Variants in ACYP2 observed in about 807,000 individuals in gnomAD.
ACYP2 encodes the protein acylphosphatase-2.
In ACYP2, 12 loss-of-function variants were observed where a neutral mutation model predicts 11.2. That is an observed-to-expected ratio of 1.08 (90% confidence interval 0.69 to 1.74). The LOEUF is 1.74. Among genes scored for constraint, ACYP2 ranks in the 40% most tolerant of loss-of-function variants. The pLI is 0.00. For missense variants in ACYP2, 134 were observed against 101.9 expected (o/e 1.31, Z -1.35); for synonymous variants, 43 against 32.2 (o/e 1.33, Z -1.13).
chr2:54,130,747 G>T (rs187094876), intron 4 of ACYP2, among the ~76,000 whole-genome samples: 2 of 152,292 alleles, frequency 1.3e-5, no homozygotes, highest in Admixed American at 6.5e-5. Context: ...TACAATGCAT[G>T]GGTTTGAATA....
At chr2:54,111,991 T>A (rs757058533) in intron 4 of ACYP2, among the ~76,000 whole-genome samples, 13 of 152,228 alleles carry the variant, frequency 8.5e-5, no homozygotes, top group African/African-American at 1.2e-4. Context: ...TCACAGGTTC[T>A]GTGTATTATC....
At chr2:54,138,491 A>G in intron 5 of ACYP2, 148 bp from the exon 3 acceptor site, 1 of 536,206 alleles carries the variant, frequency 1.9e-6, no homozygotes, top group East Asian at 3.1e-5. Flanking sequence ...TTATAAGTAG[A>G]GGTTACTGTA....
intron 2 of ACYP2, among the ~76,000 whole-genome samples, chr2:54,024,561 C>A (rs1308852865): frequency 6.6e-6 from 1 of 152,152 alleles, no homozygotes; most frequent in African/African-American, 2.4e-5. Flanking sequence ...AAAACCCTTA[C>A]AAAATTGGCA....
intron 4 of ACYP2, chr2:54,115,633 G>A (rs576816011): frequency 6.4e-7 from 1 of 1,574,224 alleles, no homozygotes; most frequent in East Asian, 2.3e-5. Flanking sequence ...CCTCCCTCTC[G>A]CAGCCGCCGC....
intron 6 of ACYP2, among the ~76,000 whole-genome samples, chr2:54,246,229 A>G (rs1686946460): frequency 6.6e-6 from 1 of 151,924 alleles, no homozygotes. Flanking sequence ...TTATTTTTTA[A>G]TGTATACTTT....
chr2:54,021,357 T>C (rs937115340), intron 2 of ACYP2, among the ~76,000 whole-genome samples: 2 of 152,146 alleles, frequency 1.3e-5, no homozygotes, highest in Non-Finnish European at 2.9e-5. Flanking sequence ...ACGAGGAAGT[T>C]AAACTTTAAA....
intron 5 of ACYP2, among the ~76,000 whole-genome samples, chr2:54,136,981 GA>G (rs201470998): frequency 6.7e-6 from 1 of 149,662 alleles, no homozygotes; most frequent in Non-Finnish European, 1.5e-5. Context: ...CATCTCAGAA[GA>G]AAAAAAAAGA....
rs748726497 is a variant in ACYP2 at position 54,304,819 on chromosome 2, T to A, written c.*17T>A. On this transcript the variant is annotated 3_prime_UTR_variant, in exon 7 of 7. Transcript: ENST00000607452. ...AGATACTAATAGAAGAGAAAAATTG[T>A]AACACACTGAACAATAGATACTGTA... 1.4e-6 allele frequency: 2 copies of A among 1,386,940 alleles called. No individual in the cohort carries two copies. The highest frequency in any genetic ancestry group is 2.4e-5 in the South Asian group (2 of 84,994). 85.9% of individuals were successfully genotyped at this position (1,386,940 alleles called of 1,614,324 possible).
intron 6 of ACYP2, among the ~76,000 whole-genome samples, chr2:54,160,463 A>G (rs562636749): frequency 6.6e-6 from 1 of 151,764 alleles, no homozygotes; most frequent in East Asian, 1.9e-4. Flanking sequence ...CCATTCAACA[A>G]TGCCATCTAC....
chr2:54,181,843 C>T (rs1473552276), intron 6 of ACYP2, among the ~76,000 whole-genome samples: 1 of 152,062 alleles, frequency 6.6e-6, no homozygotes, highest in Non-Finnish European at 1.5e-5. Context: ...AATTTTTACC[C>T]CACTGCTATG....
At chr2:54,053,335 C>T (rs1675961542) in intron 3 of ACYP2, among the ~76,000 whole-genome samples, 1 of 152,204 alleles carries the variant, frequency 6.6e-6, no homozygotes, top group Non-Finnish European at 1.5e-5. Context: ...GCTCAGACTA[C>T]TCTAGCCCAA....
intron 6 of ACYP2, among the ~76,000 whole-genome samples, chr2:54,216,960 G>T (rs371802802): frequency 6.6e-6 from 1 of 152,158 alleles, no homozygotes; most frequent in African/African-American, 2.4e-5. Context: ...ATGATTACTA[G>T]TGCAAATATA....
chr2:53,987,839 GT>G (rs918747143), intron 2 of ACYP2, among the ~76,000 whole-genome samples: 2 of 151,886 alleles, frequency 1.3e-5, no homozygotes, highest in Non-Finnish European at 2.9e-5. Flanking sequence ...TTGCTTGTGG[GT>G]TTTTTTGTTT....
intron 6 of ACYP2, among the ~76,000 whole-genome samples, chr2:54,276,106 A>C (rs967658424): frequency 6.6e-6 from 1 of 152,138 alleles, no homozygotes; most frequent in Admixed American, 6.5e-5. Flanking sequence ...AATCATTATT[A>C]TCCTTGTGCT....
chr2:54,013,231 A>G (rs1329487579), intron 2 of ACYP2, among the ~76,000 whole-genome samples: 1 of 126,072 alleles, frequency 7.9e-6, no homozygotes, highest in African/African-American at 3.1e-5. Flanking sequence ...GTTTTGGTCA[A>G]TATAACATTT....
In ACYP2 at chr2:54,205,471, C is replaced by T. The variant is rs113325309; in HGVS notation, c.404+66723C>T. Among the ~76,000 whole-genome samples, 616 of 152,266 alleles carry T rather than the reference C, an allele frequency of 4.0e-3. 6 individuals carry two copies. The highest frequency in any genetic ancestry group is 0.014 in the African/African-American group (588 of 41,548). On this transcript the variant is annotated intron_variant, in intron 6 of 6. Transcript: ENST00000607452. ...TCTTATGACATCAGTATACATTCTC[C>T]TCTCCCCGCCTACTCCTATTATACA...
chr2:54,166,370 T>A (rs1682976268), intron 6 of ACYP2, among the ~76,000 whole-genome samples: 1 of 152,168 alleles, frequency 6.6e-6, no homozygotes, highest in African/African-American at 2.4e-5. Flanking sequence ...CCTCAAGGAC[T>A]TGAGGAAAGA....
chr2:54,045,097 A>G (rs956874146), intron 2 of ACYP2, among the ~76,000 whole-genome samples: 5 of 152,198 alleles, frequency 3.3e-5, no homozygotes, highest in Non-Finnish European at 5.9e-5. Context: ...ATATTCCTTC[A>G]GGTCCTGCAT....
At chr2:54,135,571 C>A in intron 5 of ACYP2, 102 bp downstream of exon 2, 2 of 879,288 alleles carry the variant, frequency 2.3e-6, no homozygotes, top group Non-Finnish European at 3.5e-6. Flanking sequence ...CTACTGTTTA[C>A]TCCCTGTCCT....
Sources: allele counts gnomAD v4.1 joint callset (sites outside exome capture counted in the v4.1 genomes callset), GRCh38; gene constraint gnomAD v4.1.1; transcripts MANE v1.5; gene names NCBI Gene and HGNC (gene_info 2026-07-23, HGNC 2026-07-21).